The following CD36 variants were observed in gnomAD, a reference collection of about 807,000 sequenced individuals.
CD36 encodes platelet glycoprotein 4.
A neutral mutation model predicts 55.2 loss-of-function variants in CD36; 119 were observed. The observed-to-expected ratio is 2.15, with a 90% CI of 1.86 to 2.51. CD36 has a LOEUF of 2.51. CD36 is among the 30% of genes most tolerant of loss of function. The pLI, the probability that CD36 is intolerant of heterozygous loss-of-function variation, is 0.00. For missense variants in CD36, 819 were observed against 555.5 expected, an observed-to-expected ratio of 1.47 and a Z score of -4.77; for synonymous variants, 186 against 193.6, an observed-to-expected ratio of 0.96 and a Z score of 0.33.
chr7:80,604,350 A>ATTTTTTTTTT lies in CD36; in HGVS notation c.-184+2002_-184+2011dup, dbSNP rs67213422. 1.1e-3 allele frequency among the ~76,000 whole-genome samples: 62 copies of ATTTTTTTTTT among 54,288 alleles called. 10 individuals carry two copies. Among genetic ancestry groups the ATTTTTTTTTT allele is most frequent in the African/African-American group, 2.2e-3 (41 of 18,896 alleles). 35.6% of individuals were successfully genotyped at this position (54,288 alleles called of 152,430 possible). A position where few individuals can be genotyped will look rare whatever the true frequency, so the allele number is the denominator to read the frequency against. ...TACAGTAATTGGCTAAGCCACTGGA[A>ATTTTTTTTTT]TTTTTTTTTTTTTTTTTTTTTTTTT... On this transcript the variant is annotated intron_variant, in intron 1 of 13. Coordinates refer to the CD36 transcript ENST00000309881.
chr7:80,618,013 T>C (rs1245694115), intron 1 of CD36, among the ~76,000 whole-genome samples: 13 of 152,206 alleles, frequency 8.5e-5, no homozygotes, highest in Admixed American at 7.9e-4. Flanking sequence ...TACAGTTCTT[T>C]CATGAATATT....
chr7:80,661,879 A>G (rs1796559732), intron 5 of CD36, among the ~76,000 whole-genome samples: 1 of 152,142 alleles, frequency 6.6e-6, no homozygotes, highest in Non-Finnish European at 1.5e-5. Flanking sequence ...AGACCACACC[A>G]CTGAATAAAC....
chr7:80,673,308 T>C (rs781303089), intron 12 of CD36, 47 bp from the exon 13 acceptor site: 5 of 857,090 alleles, frequency 5.8e-6, no homozygotes, highest in Non-Finnish European at 9.5e-6. Flanking sequence ...TTGTTATATA[T>C]AAATATTAGT....
rs953515889 is a variant in CD36 at position 80,662,312 on chromosome 7, T to A, written c.430-678T>A. The A allele has an allele frequency of 3.1e-5, 5 of 160,430 alleles. No individual in the cohort carries two copies. In the Admixed American group the frequency reaches 3.2e-4, roughly 10 times the overall value. The allele number at this position is 160,430 out of a possible 1,614,324, so 9.9% of individuals were successfully genotyped here. ...CTAAACATTTTCCTGAAGCTGAAATTGAAGTGGAGAGGAAGTCAGTTGTCC... is the reference window on the plus strand; with the variant it reads ...CTAAACATTTTCCTGAAGCTGAAATAGAAGTGGAGAGGAAGTCAGTTGTCC... On this transcript the variant is annotated intron_variant, in intron 5 of 14. Coordinates refer to ENST00000447544, the MANE Select transcript of CD36 (RefSeq NM_001001548.3).
At chr7:80,675,702 TATC>T (rs1395151125) in intron 14 of CD36, among the ~76,000 whole-genome samples, 5 of 152,162 alleles carry the variant, frequency 3.3e-5, no homozygotes, top group Non-Finnish European at 7.3e-5. Flanking sequence ...CAGCTCTTAA[TATC>T]ATAAAAATTA....
chr7:80,619,809 A>C (rs1256555419), intron 1 of CD36, among the ~76,000 whole-genome samples: 1 of 152,156 alleles, frequency 6.6e-6, no homozygotes, highest in Non-Finnish European at 1.5e-5. Context: ...AGCAACATCA[A>C]CAGGAGTTTG....
intron 1 of CD36, among the ~76,000 whole-genome samples, chr7:80,612,938 T>C (rs1166071748): frequency 6.6e-6 from 1 of 152,166 alleles, no homozygotes; most frequent in African/African-American, 2.4e-5. Flanking sequence ...TAGTAAGTGA[T>C]TCAAGTCTGT....
chr7:80,640,863 A>G (rs966539488), intron 1 of CD36, among the ~76,000 whole-genome samples: 1 of 152,102 alleles, frequency 6.6e-6, no homozygotes, highest in African/African-American at 2.4e-5. Flanking sequence ...AAATTGCAAT[A>G]TTTGAGAAGT....
rs1584481502 is a variant in CD36, at chr7:80,676,931, T to C, written c.*548T>C. ...ATTACAAAGCGTAGACTATGCATTG[T>C]TATTCATTATAATATTTTTTGCTGT... On this transcript the variant is annotated 3_prime_UTR_variant, in exon 15 of 15. Transcript: ENST00000447544. 1 of 152,100 alleles carries C rather than the reference T, an allele frequency of 6.6e-6. No individual in the cohort carries two copies. Among genetic ancestry groups the C allele is most frequent in the African/African-American group, 2.4e-5 (1 of 41,408 alleles). 9.4% of individuals were successfully genotyped at this position (152,100 alleles called of 1,614,324 possible).
intron 8 of CD36, among the ~76,000 whole-genome samples, chr7:80,669,695 C>T (rs1464986022): frequency 6.6e-6 from 1 of 152,102 alleles, no homozygotes; most frequent in Non-Finnish European, 1.5e-5. Context: ...TGGGGTTTCA[C>T]CATGTAGGCC....
At chr7:80,620,361 C>T (rs1213131564) in intron 1 of CD36, among the ~76,000 whole-genome samples, 1 of 152,156 alleles carries the variant, frequency 6.6e-6, no homozygotes, top group Non-Finnish European at 1.5e-5. Flanking sequence ...AGTTGGGGTT[C>T]TCATTACCCC....
Position 80,676,388 on chromosome 7 carries a change from G to A in CD36, c.*5G>A, listed in dbSNP as rs1024227018. 6.6e-6 allele frequency: 1 copy of A among 151,950 alleles called. No individual in the cohort carries two copies. Among genetic ancestry groups the A allele is most frequent in the Non-Finnish European group, 1.5e-5 (1 of 67,980 alleles). 9.4% of individuals were successfully genotyped at this position (151,950 alleles called of 1,614,324 possible). The stretch of plus-strand genomic sequence containing the variant: ...AATTGATTTCCGTTTCTACAGACCT[G>A]GCTCAAGCACAAACCAATTTGTGTT... On this transcript the variant is annotated 3_prime_UTR_variant, in exon 15 of 15. Coordinates refer to ENST00000447544, the MANE Select transcript of CD36 (RefSeq NM_001001548.3).
At chr7:80,673,486 GTA>G in intron 13 of CD36, 77 bp downstream of exon 13, 1 of 856,858 alleles carries the variant, frequency 1.2e-6, no homozygotes, top group East Asian at 2.4e-5. Flanking sequence ...TCAAAAGAAT[GTA>G]TAGTATTTAA....
chr7:80,672,874 T>C lies in CD36; in HGVS notation c.1199+31T>C, dbSNP rs773787093. On this transcript the variant is annotated intron_variant, in intron 12 of 14. Coordinates refer to ENST00000447544, the MANE Select transcript of CD36 (RefSeq NM_001001548.3). ...TCTCTTGAAAATGGTTATTTTGATA[T>C]GATCTGTAGTATCGTAGTATCTTCT... 5.1e-6 allele frequency: 7 copies of C among 1,368,386 alleles called. No homozygotes were observed. In the Admixed American group the frequency reaches 1.2e-4, roughly 23 times the overall value. 84.8% of individuals were successfully genotyped at this position (1,368,386 alleles called of 1,614,324 possible).
intron 1 of CD36, among the ~76,000 whole-genome samples, chr7:80,623,277 C>T (rs967312739): frequency 6.6e-6 from 1 of 152,094 alleles, no homozygotes; most frequent in Admixed American, 6.6e-5. Flanking sequence ...CTCATATATA[C>T]ACAATAATAT....
chr7:80,611,627 C>T (rs1722504), intron 1 of CD36, among the ~76,000 whole-genome samples: 10,213 of 152,132 alleles, frequency 0.067, 764 homozygotes, highest in African/African-American at 0.18. Flanking sequence ...GACAGTGACC[C>T]GGTAAGAAGA....
At position 80,674,175 on chromosome 7, in the gene CD36, CAAT is replaced by C. The variant is rs754733303; in HGVS notation, c.*33_*35del. 2.0e-5 allele frequency: 30 copies of C among 1,488,974 alleles called. No homozygotes were observed. The East Asian group carries it at 5.0e-4, about 25-fold the overall frequency. 92.2% of individuals were successfully genotyped at this position (1,488,974 alleles called of 1,614,324 possible). ...AAGTATGTACCAAAAAATATTGCTT[CAAT>C]AATATTAGCTTATATATTACTTGTT... is the stretch of plus-strand genomic sequence containing the variant. On this transcript the variant is annotated intron_variant, in intron 14 of 14. Transcript: ENST00000447544.
chr7:80,671,888 T>A (rs993891752), intron 10 of CD36, 34 bp from the exon 11 acceptor site: 1 of 1,597,318 alleles, frequency 6.3e-7, no homozygotes, highest in Non-Finnish European at 8.6e-7. Context: ...AAGGAAGTTA[T>A]TAATTCCAAT....
Position 80,656,706 on chromosome 7 carries a change from T to G in CD36, c.281+6T>G. On this transcript the variant is annotated splice_donor_region_variant and intron_variant, in intron 4 of 14. Coordinates refer to ENST00000447544, the MANE Select transcript of CD36 (RefSeq NM_001001548.3). ...AGAGGTCCTTATACGTACAGGTGAGTGAGTCCCCACAAATATGAGACACTC... is the reference window on the plus strand; with the variant it reads ...AGAGGTCCTTATACGTACAGGTGAGGGAGTCCCCACAAATATGAGACACTC... 1 of 1,612,072 alleles carries G rather than the reference T, an allele frequency of 6.2e-7. No homozygotes were observed. The highest frequency in any genetic ancestry group is 8.5e-7 in the Non-Finnish European group (1 of 1,178,446).
Sources: gnomAD v4.1 joint callset for allele counts (sites outside exome capture counted in the v4.1 genomes callset) on GRCh38, gnomAD v4.1.1 for gene constraint, MANE v1.5 for transcripts, NCBI Gene and HGNC (gene_info 2026-07-23, HGNC 2026-07-21) for gene names.